The following FMNL2 variants were observed in gnomAD, a reference collection of about 807,000 sequenced individuals.
The protein encoded by FMNL2 is formin like 2.
FMNL2 carries 51 observed loss-of-function variants against 130.2 expected under a neutral mutation model. The observed-to-expected ratio is 0.39, with a 90% confidence interval of 0.31 to 0.49. The LOEUF is 0.49. Ranked by LOEUF, FMNL2 falls within the 20% of genes least tolerant of loss-of-function variation. The pLI is 0.85. For synonymous variants in FMNL2, 465 were observed against 467.1 expected (o/e 1.00, Z 0.06); for missense variants, 977 against 1,316.2 (o/e 0.74, Z 3.99).
intron 6 of FMNL2, among the ~76,000 whole-genome samples, chr2:152,566,292 G>A (rs1480411822): frequency 1.3e-5 from 2 of 152,204 alleles, no homozygotes; most frequent in East Asian, 1.9e-4. Context: ...TACAGATAGC[G>A]TTGATGTAAT....
In FMNL2 at chr2:152,546,946, CT is replaced by C. The variant is rs34129916; in HGVS notation, c.283-2058del. ...CCATCCTGCATTACTTGCCCCCATT[CT>C]TTTTTTTTTTTTTTTTGAGATGGAG... On this transcript the variant is annotated intron_variant, in intron 3 of 25. Transcript: ENST00000288670. Among the ~76,000 whole-genome samples the C allele has an allele frequency of 8.0e-3, 1,082 of 135,682 alleles. 5 individuals carry two copies. Among genetic ancestry groups the C allele is most frequent in the Non-Finnish European group, 0.01 (656 of 63,816 alleles). The allele number at this position is 135,682 out of a possible 152,430, so 89.0% of individuals were successfully genotyped here. A position where few individuals can be genotyped will look rare whatever the true frequency, so the allele number is the denominator to read the frequency against.
At chr2:152,574,723 A>G (rs1696382389) in intron 6 of FMNL2, among the ~76,000 whole-genome samples, 1 of 152,230 alleles carries the variant, frequency 6.6e-6, no homozygotes, top group Non-Finnish European at 1.5e-5. Flanking sequence ...ACTAAAAATG[A>G]AAACTCTTTC....
chr2:152,348,251 T>C (rs193113961), intron 1 of FMNL2, among the ~76,000 whole-genome samples: 1 of 152,224 alleles, frequency 6.6e-6, no homozygotes, highest in Non-Finnish European at 1.5e-5. Context: ...AATAGGGAGA[T>C]GCTTTCATAT....
At chr2:152,548,106 A>C (rs1482123014) in intron 3 of FMNL2, among the ~76,000 whole-genome samples, 1 of 152,182 alleles carries the variant, frequency 6.6e-6, no homozygotes, top group East Asian at 1.9e-4. Flanking sequence ...GGATTTTAAC[A>C]GGCAAGGGAA....
At chr2:152,452,172 G>A (rs767143583) in intron 1 of FMNL2, among the ~76,000 whole-genome samples, 14 of 152,006 alleles carry the variant, frequency 9.2e-5, no homozygotes, top group Non-Finnish European at 1.8e-4. Flanking sequence ...CCCCATCCCC[G>A]AAAGACAGTT....
chr2:152,588,942 A>G (rs1697233623), intron 9 of FMNL2, among the ~76,000 whole-genome samples: 1 of 151,958 alleles, frequency 6.6e-6, no homozygotes, highest in African/African-American at 2.4e-5. Flanking sequence ...TTGATAGAGC[A>G]GGGTGTGTTT....
At chr2:152,412,380 A>C (rs1330382348) in intron 1 of FMNL2, among the ~76,000 whole-genome samples, 1 of 144,842 alleles carries the variant, frequency 6.9e-6, no homozygotes, top group Admixed American at 6.9e-5. Flanking sequence ...GTTTAGAGGG[A>C]ATATTTTCTG....
intron 1 of FMNL2, among the ~76,000 whole-genome samples, chr2:152,443,313 G>A (rs1471994256): frequency 6.6e-6 from 1 of 152,090 alleles, no homozygotes; most frequent in African/African-American, 2.4e-5. Context: ...CTTCACTTCA[G>A]TGGGGAGAGG....
At chr2:152,607,068 C>T (rs17328272) in intron 9 of FMNL2, among the ~76,000 whole-genome samples, 1 of 125,324 alleles carries the variant, frequency 8.0e-6, no homozygotes, top group Non-Finnish European at 1.6e-5. Context: ...CTAAAAAATT[C>T]GTGAGACTGC....
chr2:152,379,798 TA>T (rs1330129549), intron 1 of FMNL2, among the ~76,000 whole-genome samples: 1 of 152,208 alleles, frequency 6.6e-6, no homozygotes, highest in African/African-American at 2.4e-5. Context: ...TGGGAGATTA[TA>T]ATGTGTTCCG....
chr2:152,551,448 G>C (rs76723059), intron 4 of FMNL2, among the ~76,000 whole-genome samples: 1 of 152,202 alleles, frequency 6.6e-6, no homozygotes, highest in African/African-American at 2.4e-5. Context: ...GAGATGCATT[G>C]TCTGATTATA....
chr2:152,414,065 T>C (rs1221851575), intron 1 of FMNL2, among the ~76,000 whole-genome samples: 1 of 152,240 alleles, frequency 6.6e-6, no homozygotes, highest in Non-Finnish European at 1.5e-5. Flanking sequence ...TTATGTTTGC[T>C]GTCTTACAGT....
rs535392614 is a variant in FMNL2, at chr2:152,424,219, C to T, written c.117+88499C>T. On this transcript the variant is annotated intron_variant, in intron 1 of 25. Transcript: ENST00000288670. ...GGCACAAAAACCTTGTGGAAGTATT[C>T]GGTGGTACACATGAAGGAACCCGGG... Among the ~76,000 whole-genome samples, 5 of 152,218 alleles carry T rather than the reference C, an allele frequency of 3.3e-5. No individual in the cohort carries two copies. In the South Asian group the frequency reaches 6.2e-4, roughly 19 times the overall value.
chr2:152,566,727 T>C (rs11901762), intron 6 of FMNL2, among the ~76,000 whole-genome samples: 4,604 of 152,292 alleles, frequency 0.03, 237 homozygotes, highest in African/African-American at 0.1. Flanking sequence ...TGTACACATG[T>C]TTGTGTACAT....
chr2:152,337,559 A>G (rs1006937809), intron 1 of FMNL2, among the ~76,000 whole-genome samples: 4 of 152,032 alleles, frequency 2.6e-5, no homozygotes, highest in African/African-American at 4.8e-5. Flanking sequence ...TACCCTGCTG[A>G]TTAATAACAC....
At chr2:152,360,720 G>T (rs1234369927) in intron 1 of FMNL2, among the ~76,000 whole-genome samples, 3 of 152,144 alleles carry the variant, frequency 2.0e-5, no homozygotes, top group Non-Finnish European at 2.9e-5. Context: ...ATCTTTATAT[G>T]TGAATGGTAT....
chr2:152,615,242 G>A (rs914355299), intron 12 of FMNL2, among the ~76,000 whole-genome samples: 1 of 152,132 alleles, frequency 6.6e-6, no homozygotes, highest in African/African-American at 2.4e-5. Context: ...CTGCTGAGGT[G>A]CATTTCCTGG....
At chr2:152,418,755 G>A (rs1686750716) in intron 1 of FMNL2, among the ~76,000 whole-genome samples, 1 of 152,086 alleles carries the variant, frequency 6.6e-6, no homozygotes. Context: ...TCTACATAAT[G>A]CTACTATGAA....
chr2:152,640,969 C>T, intron 25 of FMNL2, 55 bp downstream of exon 25: 1 of 1,603,014 alleles, frequency 6.2e-7, no homozygotes, highest in Admixed American at 1.7e-5. Flanking sequence ...CTCACCTAGA[C>T]TGGGATGCAT....
Sources: gnomAD v4.1 joint callset for allele counts (sites outside exome capture counted in the v4.1 genomes callset) on GRCh38, gnomAD v4.1.1 for gene constraint, MANE v1.5 for transcripts, NCBI Gene and HGNC (gene_info 2026-07-23, HGNC 2026-07-21) for gene names.